The following FAM120B variants were observed in gnomAD, a reference collection of about 807,000 sequenced individuals.
FAM120B encodes family with sequence similarity 120 member B, also known as constitutive coactivator of peroxisome proliferator-activated receptor gamma.
In FAM120B, 83 loss-of-function variants were observed where a neutral mutation model predicts 96.3. The ratio of observed to expected loss-of-function variants is 0.86; its 90% CI spans 0.72 to 1.03. The LOEUF (loss-of-function observed/expected upper bound fraction) is 1.03. Ranked by LOEUF, FAM120B falls within the 50% of genes least tolerant of loss-of-function variation. The pLI is 0.00. For synonymous variants in FAM120B, 407 were observed against 402.7 expected (o/e 1.01, Z -0.13); for missense variants, 1,027 against 1,121.2 (o/e 0.92, Z 1.20).
chr6:170,358,169 T>C (rs1788093914), intron 5 of FAM120B, 57 bp from the exon 6 acceptor site: 2 of 1,402,650 alleles, frequency 1.4e-6, no homozygotes, highest in South Asian at 2.5e-5. Flanking sequence ...GATCAATTTG[T>C]AAGAAATGTT....
chr6:170,340,792 G>C (rs185003580), intron 4 of FAM120B, among the ~76,000 whole-genome samples: 1 of 152,086 alleles, frequency 6.6e-6, no homozygotes, highest in Non-Finnish European at 1.5e-5. Flanking sequence ...TCTATACCCT[G>C]TTTGCCTGGT....
upstream of FAM120B, among the ~76,000 whole-genome samples, chr6:170,303,052 TAAC>T (rs967434289): frequency 3.3e-5 from 5 of 152,256 alleles, no homozygotes; most frequent in African/African-American, 1.2e-4. Context: ...TATTAGTGAA[TAAC>T]TTTTTAAAAC....
intron 4 of FAM120B, among the ~76,000 whole-genome samples, chr6:170,333,932 C>T (rs562403591): frequency 2.6e-5 from 4 of 152,296 alleles, no homozygotes; most frequent in South Asian, 2.1e-4. Context: ...TCGTAAAGGT[C>T]CTTGATGTGT....
At chr6:170,332,820 T>C (rs2115074980) in intron 4 of FAM120B, among the ~76,000 whole-genome samples, 1 of 152,350 alleles carries the variant, frequency 6.6e-6, no homozygotes, top group Non-Finnish European at 1.5e-5. Flanking sequence ...TACCTGATTT[T>C]CCTTGTTCTT....
chr6:170,378,605 A>G (rs1385111806), intron 6 of FAM120B, among the ~76,000 whole-genome samples: 3 of 152,212 alleles, frequency 2.0e-5, no homozygotes, highest in Non-Finnish European at 1.5e-5. Context: ...TAGAGGGGGA[A>G]GAGACAGGAG....
In FAM120B at chr6:170,299,772, G is replaced by A. The variant is rs60935272; in HGVS notation, c.48+4319G>A. Among the ~76,000 whole-genome samples the A allele has an allele frequency of 5.2e-3, 785 of 152,294 alleles. 8 individuals are homozygous for A. The highest frequency in any genetic ancestry group is 0.018 in the African/African-American group (750 of 41,548). On this transcript the variant is annotated intron_variant, in intron 1 of 10. Coordinates refer to the FAM120B transcript ENST00000537664. The stretch of plus-strand genomic sequence containing the variant: ...AAGAAGATTCTCTCTCTTATAATCA[G>A]GAAAGAAGGTGGTTTGAGTGCTGGT...
At chr6:170,345,651 G>A (rs1787129973) in intron 4 of FAM120B, among the ~76,000 whole-genome samples, 1 of 152,228 alleles carries the variant, frequency 6.6e-6, no homozygotes, top group Non-Finnish European at 1.5e-5. Flanking sequence ...AGTATGGTAG[G>A]AAAAATGTTG....
intron 6 of FAM120B, among the ~76,000 whole-genome samples, chr6:170,362,960 C>T (rs1788558418): frequency 1.3e-5 from 2 of 152,098 alleles, no homozygotes; most frequent in South Asian, 4.1e-4. Context: ...TCTGGGATTA[C>T]AGGCAGGAGC....
chr6:170,339,029 A>G (rs764587262), intron 4 of FAM120B, among the ~76,000 whole-genome samples: 4 of 152,002 alleles, frequency 2.6e-5, no homozygotes, highest in African/African-American at 7.2e-5. Flanking sequence ...TTTACATTTA[A>G]GGTTAATATT....
chr6:170,341,169 C>T (rs1347376441), intron 4 of FAM120B, among the ~76,000 whole-genome samples: 1 of 152,248 alleles, frequency 6.6e-6, no homozygotes, highest in African/African-American at 2.4e-5. Flanking sequence ...AAGCCCCTGA[C>T]TGGGGCTGCT....
At chr6:170,319,192 G>T in intron 2 of FAM120B, 68 bp downstream of exon 2, 1 of 1,421,716 alleles carries the variant, frequency 7.0e-7, no homozygotes, top group Non-Finnish European at 9.4e-7. Context: ...TGTTAGTGAA[G>T]ATCCATTACT....
chr6:170,345,635 T>C (rs1026688926), intron 4 of FAM120B, among the ~76,000 whole-genome samples: 4 of 152,252 alleles, frequency 2.6e-5, no homozygotes, highest in Admixed American at 2.6e-4. Context: ...TAGAAACTTT[T>C]GTGACAGTAT....
At chr6:170,337,099 C>A (rs1408009800) in intron 4 of FAM120B, among the ~76,000 whole-genome samples, 1 of 152,130 alleles carries the variant, frequency 6.6e-6, no homozygotes, top group Non-Finnish European at 1.5e-5. Flanking sequence ...AGAGGGCATC[C>A]TTGTCTTGTG....
chr6:170,307,198 C>T (rs1784344542), intron 1 of FAM120B, among the ~76,000 whole-genome samples: 2 of 152,186 alleles, frequency 1.3e-5, no homozygotes, highest in South Asian at 4.1e-4. Context: ...TCCTATATGT[C>T]ATTTTTGGGT....
chr6:170,296,740 C>T (rs1784020551), intron 1 of FAM120B, among the ~76,000 whole-genome samples: 1 of 152,082 alleles, frequency 6.6e-6, no homozygotes, highest in South Asian at 2.1e-4. Flanking sequence ...CCAGGAGGTG[C>T]TGCAGGAGCC....
intron 8 of FAM120B, among the ~76,000 whole-genome samples, chr6:170,393,483 T>C (rs528179759): frequency 1.3e-5 from 2 of 152,366 alleles, no homozygotes; most frequent in East Asian, 3.9e-4. Context: ...CAGAAATCAG[T>C]GTCCTGTCAT....
At chr6:170,382,231 C>T (rs1306987231) in intron 6 of FAM120B, among the ~76,000 whole-genome samples, 1 of 151,982 alleles carries the variant, frequency 6.6e-6, no homozygotes, top group Non-Finnish European at 1.5e-5. Context: ...GACCAGCCTG[C>T]GCAACATAGT....
At chr6:170,294,005 G>A (rs561323692), upstream of FAM120B, among the ~76,000 whole-genome samples, 10 of 152,254 alleles carry the variant, frequency 6.6e-5, no homozygotes, top group Middle Eastern at 3.4e-3. The surrounding 1 kb of genome is among the most constrained non-coding windows in gnomAD (Gnocchi z 7.9). Flanking sequence ...TGGAGGGGAC[G>A]ACACGCCTTT....
Position 170,319,171 on chromosome 6 carries a change from G to A in FAM120B, c.1734+47G>A, listed in dbSNP as rs202111536. The stretch of plus-strand genomic sequence containing the variant: ...ATATGCCATGATTGAAAATATATCC[G>A]CTGATGGATTTGTTAGTGAAGATCC... On this transcript the variant is annotated intron_variant, in intron 2 of 10. Coordinates refer to ENST00000476287, the MANE Select transcript of FAM120B (RefSeq NM_032448.3). The A allele has an allele frequency of 1.5e-5, 23 of 1,488,470 alleles. No individual in the cohort carries two copies. The African/African-American group carries it at 2.0e-4, about 13-fold the overall frequency. The allele number at this position is 1,488,470 out of a possible 1,614,324, so 92.2% of individuals were successfully genotyped here.
Sources: gnomAD v4.1 joint callset for allele counts (sites outside exome capture counted in the v4.1 genomes callset) on GRCh38, gnomAD v4.1.1 for gene constraint, Gnocchi (gnomAD v3.1) non-coding constraint, MANE v1.5 for transcripts, NCBI Gene and HGNC (gene_info 2026-07-23, HGNC 2026-07-21) for gene names.